The following NFIX variants were observed in gnomAD, a reference collection of about 807,000 sequenced individuals.
The protein encoded by NFIX is nuclear factor 1 X-type.
A neutral mutation model predicts 53.3 loss-of-function variants in NFIX; 2 were observed. The observed-to-expected ratio is 0.04, with a 90% CI of 0.02 to 0.12. The LOEUF (loss-of-function observed/expected upper bound fraction) is 0.12, where lower values mean the gene tolerates loss of function less well. Ranked by LOEUF, NFIX falls within the 10% of genes least tolerant of loss-of-function variation. The probability of loss-of-function intolerance (pLI) is 1.00; values close to 1 mark genes in which losing one functional copy is unlikely to be tolerated. For missense variants in NFIX, 310 were observed against 674.5 expected, an observed-to-expected ratio of 0.46 and a Z score of 5.99; for synonymous variants, 244 against 289.0, an observed-to-expected ratio of 0.84 and a Z score of 1.58.
intron 2 of NFIX, among the ~76,000 whole-genome samples, chr19:13,029,870 G>C (rs1416794533): frequency 2.0e-5 from 3 of 152,306 alleles, no homozygotes; most frequent in East Asian, 3.9e-4. Context: ...AGGGAGGGCT[G>C]CCCATCCACG....
In NFIX at chr19:13,027,319, C is replaced by G. The variant is rs558128998; in HGVS notation, c.559+1767C>G. ...TTGAATTTTTTCTTTTGTCTTTTTT[C>G]TTTTTGGAAAACAGACTGAGAGGGA... On this transcript the variant is annotated intron_variant, in intron 2 of 10. Coordinates refer to ENST00000592199, the MANE Select transcript of NFIX (RefSeq NM_001365902.3). The surrounding 1 kb of genome is among the most constrained non-coding windows in gnomAD (Gnocchi z 4.3). 2.0e-5 allele frequency among the ~76,000 whole-genome samples: 3 copies of G among 152,062 alleles called. No individual in the cohort carries two copies. The East Asian group carries it at 5.8e-4, about 29-fold the overall frequency.
intron 8 of NFIX, among the ~76,000 whole-genome samples, chr19:13,085,631 A>G (rs2017736077): frequency 6.6e-6 from 1 of 152,208 alleles, no homozygotes; most frequent in African/African-American, 2.4e-5. Context: ...CCCTTGACAC[A>G]TATGGGGACC....
In NFIX at chr19:12,995,786, G is replaced by C. The variant is rs1415025917; in HGVS notation, c.-52G>C. ...AGCCCGAGCGCGGCCGCCGCCTGCC[G>C]GGCCTCCCCTCGCCGCGGCCGGCCG... On this transcript the variant is annotated 5_prime_UTR_variant, in exon 1 of 11. Transcript: ENST00000592199. 1.1e-6 allele frequency: 1 copy of C among 895,218 alleles called. No individual in the cohort carries two copies. The highest frequency in any genetic ancestry group is 1.3e-6 in the Non-Finnish European group (1 of 750,826). The allele number at this position is 895,218 out of a possible 1,614,324, so 55.5% of individuals were successfully genotyped here.
rs147857923 is a variant in NFIX at position 12,998,789 on chromosome 19, A to C, written c.27+2925A>C. On this transcript the variant is annotated intron_variant, in intron 1 of 10. Coordinates refer to ENST00000592199, the MANE Select transcript of NFIX (RefSeq NM_001365902.3). This position sits in a 1 kb window ranked among gnomAD's most constrained non-coding sequence, Gnocchi z 4.4. Reference sequence around the variant, plus strand: ...ACGACTTGTGTTCACACTGTCACACACACCCATTAACACACACGCACCTCT... The same window carrying C: ...ACGACTTGTGTTCACACTGTCACACCCACCCATTAACACACACGCACCTCT... Among the ~76,000 whole-genome samples, 191 of 152,302 alleles carry C rather than the reference A, an allele frequency of 1.3e-3. 2 individuals carry two copies. The highest frequency in any genetic ancestry group is 4.5e-3 in the African/African-American group (185 of 41,558).
At chr19:13,059,276 G>T (rs2015907134) in intron 2 of NFIX, among the ~76,000 whole-genome samples, 2 of 152,326 alleles carry the variant, frequency 1.3e-5, no homozygotes, top group Admixed American at 1.3e-4. Context: ...GCTGCTCCCT[G>T]TGGGCAGGTG....
At position 13,086,445 on chromosome 19, in the gene NFIX, T is replaced by A. The variant is rs188858623; in HGVS notation, c.1255-1544T>A. Among the ~76,000 whole-genome samples, 933 of 152,334 alleles carry A rather than the reference T, an allele frequency of 6.1e-3. 11 individuals are homozygous for A. Among genetic ancestry groups the A allele is most frequent in the African/African-American group, 0.022 (905 of 41,564 alleles). On this transcript the variant is annotated intron_variant, in intron 8 of 10. Coordinates refer to ENST00000592199, the MANE Select transcript of NFIX (RefSeq NM_001365902.3). Reference sequence around the variant, plus strand: ...GGGTGACTTAGGATAAACCATTTAATGGCCCAGAGCCTCAGTTTCCTCAGT... The same window carrying A: ...GGGTGACTTAGGATAAACCATTTAAAGGCCCAGAGCCTCAGTTTCCTCAGT...
rs531669173 is a variant in NFIX at position 13,081,038 on chromosome 19, G to A, written c.1079-642G>A. Among the ~76,000 whole-genome samples, 1 of 151,794 alleles carries A rather than the reference G, an allele frequency of 6.6e-6. No homozygotes were observed. Among genetic ancestry groups the A allele is most frequent in the Non-Finnish European group, 1.5e-5 (1 of 67,948 alleles). ...CTTTAGGCTGGGCACAGTGGCTCATGCCTGTAATCCCAGCACTTTGGGAGG... is the reference window on the plus strand; with the variant it reads ...CTTTAGGCTGGGCACAGTGGCTCATACCTGTAATCCCAGCACTTTGGGAGG... On this transcript the variant is annotated intron_variant, in intron 7 of 10. Coordinates refer to ENST00000592199, the MANE Select transcript of NFIX (RefSeq NM_001365902.3). The surrounding 1 kb of genome is among the most constrained non-coding windows in gnomAD (Gnocchi z 4.7).
Position 12,995,810 on chromosome 19 carries a change from C to T in NFIX, c.-28C>T. The T allele has an allele frequency of 1.5e-5, 15 of 985,988 alleles. No individual in the cohort carries two copies. The highest frequency in any genetic ancestry group is 1.7e-5 in the Non-Finnish European group (14 of 831,828). 61.1% of individuals were successfully genotyped at this position (985,988 alleles called of 1,614,324 possible). A position where few individuals can be genotyped will look rare whatever the true frequency, so the allele number is the denominator to read the frequency against. ...CGGGCCTCCCCTCGCCGCGGCCGGC[C>T]GCCGCGCTCCCGCCCGGGCGCCCAG... On this transcript the variant is annotated 5_prime_UTR_variant, in exon 1 of 11. Transcript: ENST00000592199.
intron 1 of NFIX, among the ~76,000 whole-genome samples, chr19:13,023,357 T>G (rs1422727001): frequency 6.6e-6 from 1 of 151,462 alleles, no homozygotes; most frequent in African/African-American, 2.4e-5. Context: ...TCTCTCTCTT[T>G]TGCACGCGTC....
chr19:13,035,332 G>T (rs2014111175), intron 2 of NFIX, among the ~76,000 whole-genome samples: 1 of 152,172 alleles, frequency 6.6e-6, no homozygotes, highest in Non-Finnish European at 1.5e-5. Flanking sequence ...CCTCCCCCTG[G>T]TTGGAACTGT....
intron 6 of NFIX, among the ~76,000 whole-genome samples, chr19:13,077,434 A>G (rs920566293): frequency 1.3e-5 from 2 of 152,106 alleles, no homozygotes; most frequent in Non-Finnish European, 2.9e-5. Flanking sequence ...CAGGACAGGG[A>G]ACAGCTGGGG....
At chr19:13,032,753 G>T (rs559273742) in intron 2 of NFIX, among the ~76,000 whole-genome samples, 2 of 152,296 alleles carry the variant, frequency 1.3e-5, no homozygotes, top group East Asian at 3.9e-4. Context: ...GTGCTGCTGA[G>T]ACCTTGGTGA....
chr19:13,073,261 A>G lies in NFIX; in HGVS notation c.622+152A>G, dbSNP rs1220212926. 1.3e-5 allele frequency among the ~76,000 whole-genome samples: 2 copies of G among 152,054 alleles called. No homozygotes were observed. Among genetic ancestry groups the G allele is most frequent in the Non-Finnish European group, 2.9e-5 (2 of 68,002 alleles). On this transcript the variant is annotated intron_variant, in intron 3 of 10. Transcript: ENST00000592199. The surrounding 1 kb of genome is among the most constrained non-coding windows in gnomAD (Gnocchi z 4.5). ...CTTGCTGTCCTGAGGGGATGGGGGC[A>G]CACCTAGAGGATCCCCCCTGTTCGG...
rs1599829322 is a variant in NFIX at position 13,067,239 on chromosome 19, C to T, written c.560-5808C>T. Among the ~76,000 whole-genome samples the T allele has an allele frequency of 6.6e-6, 1 of 152,162 alleles. No individual in the cohort carries two copies. The highest frequency in any genetic ancestry group is 1.5e-5 in the Non-Finnish European group (1 of 68,032). ...ATGGGGTGTTGCAGCTGCCCAGAGG[C>T]ACCCCCAGAACAGAATGTACCCCCA... On this transcript the variant is annotated intron_variant, in intron 2 of 10. Transcript: ENST00000592199. The surrounding 1 kb of genome is among the most constrained non-coding windows in gnomAD (Gnocchi z 4.2).
At chr19:13,023,294 G>A (rs2013062516) in intron 1 of NFIX, among the ~76,000 whole-genome samples, 2 of 149,624 alleles carry the variant, frequency 1.3e-5, no homozygotes, top group Admixed American at 1.3e-4. Flanking sequence ...GTCCTCCCTC[G>A]ATCCTCGATC....
chr19:13,094,910 A>T lies in NFIX; in HGVS notation c.*261A>T, dbSNP rs1190656788. 5.8e-6 allele frequency: 3 copies of T among 517,694 alleles called. No individual in the cohort carries two copies. Among genetic ancestry groups the T allele is most frequent in the African/African-American group, 5.8e-5 (3 of 51,952 alleles). 32.1% of individuals were successfully genotyped at this position (517,694 alleles called of 1,614,324 possible). ...GCAGCCAAGCAGAAAGAAACACGCG[A>T]CATGGACTCTGTCAAGTAGAGGACA... On this transcript the variant is annotated 3_prime_UTR_variant, in exon 11 of 11. Transcript: ENST00000592199. The surrounding 1 kb of genome is among the most constrained non-coding windows in gnomAD (Gnocchi z 4.3).
rs1244471406 is a variant in NFIX at position 13,006,318 on chromosome 19, G to C, written c.27+10454G>C. Among the ~76,000 whole-genome samples, 1 of 152,202 alleles carries C rather than the reference G, an allele frequency of 6.6e-6. No individual in the cohort carries two copies. The highest frequency in any genetic ancestry group is 1.5e-5 in the Non-Finnish European group (1 of 68,034). ...TTCTCTCTCCAGGGGGCAGACTGGA[G>C]GTCAAGGGTGTGTGGCTCAGCATGG... On this transcript the variant is annotated intron_variant, in intron 1 of 10. Transcript: ENST00000592199. The surrounding 1 kb of genome is among the most constrained non-coding windows in gnomAD (Gnocchi z 5.6).
chr19:13,055,634 G>T (rs376513121), intron 2 of NFIX, among the ~76,000 whole-genome samples: 5 of 152,308 alleles, frequency 3.3e-5, no homozygotes, highest in South Asian at 4.2e-4. Context: ...CTGGGGGAGG[G>T]GGGGGTCTGC....
Position 13,027,024 on chromosome 19 carries a change from G to T in NFIX, c.559+1472G>T, listed in dbSNP as rs996482554. On this transcript the variant is annotated intron_variant, in intron 2 of 10. Transcript: ENST00000592199. This position sits in a 1 kb window ranked among gnomAD's most constrained non-coding sequence, Gnocchi z 4.3. The stretch of plus-strand genomic sequence containing the variant: ...CCAGAAATAAAATTCGGGTTTGGGG[G>T]TGCTTTCAGCACTGCGTCAGGAATG... Among the ~76,000 whole-genome samples the T allele has an allele frequency of 6.6e-6, 1 of 152,178 alleles. No homozygotes were observed. The highest frequency in any genetic ancestry group is 1.5e-5 in the Non-Finnish European group (1 of 68,030).
Sources: gnomAD v4.1 joint callset for allele counts (sites outside exome capture counted in the v4.1 genomes callset) on GRCh38, gnomAD v4.1.1 for gene constraint, Gnocchi (gnomAD v3.1) non-coding constraint, MANE v1.5 for transcripts, NCBI Gene and HGNC (gene_info 2026-07-23, HGNC 2026-07-21) for gene names.